The following EPB41L2 variants were observed in gnomAD, a reference collection of about 807,000 sequenced individuals.
EPB41L2 encodes the protein erythrocyte membrane protein band 4.1 like 2.
Under a neutral mutation model 113.0 loss-of-function variants are expected in EPB41L2, and 43 were observed. The ratio of observed to expected loss-of-function variants is 0.38; its 90% CI spans 0.30 to 0.49. The LOEUF (loss-of-function observed/expected upper bound fraction) is 0.49. EPB41L2 is among the 20% of genes least tolerant of loss of function. The probability of loss-of-function intolerance (pLI) is 0.95; values close to 1 mark genes in which losing one functional copy is unlikely to be tolerated. For synonymous variants in EPB41L2, 442 were observed against 436.7 expected, an observed-to-expected ratio of 1.01 and a Z score of -0.15; for missense variants, 1,147 against 1,223.4, an observed-to-expected ratio of 0.94 and a Z score of 0.93.
chr6:130,905,347 C>A (rs1215777881), intron 5 of EPB41L2, among the ~76,000 whole-genome samples: 1 of 151,804 alleles, frequency 6.6e-6, no homozygotes, highest in African/African-American at 2.4e-5. Context: ...ATTCCACTAG[C>A]CTGAATTTAG....
At chr6:131,029,551 TC>T (rs974023472) in intron 1 of EPB41L2, among the ~76,000 whole-genome samples, 2 of 152,192 alleles carry the variant, frequency 1.3e-5, no homozygotes, top group African/African-American at 2.4e-5. Flanking sequence ...CAGAAAGGAT[TC>T]AACATTAGAA....
chr6:130,938,529 A>G (rs746926755), intron 3 of EPB41L2, among the ~76,000 whole-genome samples: 5 of 152,196 alleles, frequency 3.3e-5, no homozygotes, highest in Non-Finnish European at 7.3e-5. Context: ...CATCAGAAAG[A>G]ACCTAGAATT....
intron 1 of EPB41L2, among the ~76,000 whole-genome samples, chr6:131,025,365 G>A (rs1410699816): frequency 6.6e-6 from 1 of 152,116 alleles, no homozygotes; most frequent in African/African-American, 2.4e-5. Context: ...GGCATGAATT[G>A]TTGCCTTTTT....
intron 1 of EPB41L2, among the ~76,000 whole-genome samples, chr6:131,021,318 C>T (rs984203567): frequency 3.3e-5 from 5 of 152,040 alleles, no homozygotes; most frequent in Admixed American, 1.3e-4. Flanking sequence ...CATTTAAAAA[C>T]CCACATAAAC....
At chr6:130,992,460 T>C (rs1279361589) in intron 1 of EPB41L2, among the ~76,000 whole-genome samples, 2 of 152,100 alleles carry the variant, frequency 1.3e-5, no homozygotes, top group Non-Finnish European at 2.9e-5. Context: ...TATGAGTTAA[T>C]CAATAATTGC....
intron 1 of EPB41L2, among the ~76,000 whole-genome samples, chr6:131,006,816 G>A (rs6921207): frequency 0.46 from 69,559 of 151,676 alleles, 16,834 homozygotes; most frequent in African/African-American, 0.63. Flanking sequence ...CATGCACCCC[G>A]ACCTCTGAAT....
At chr6:130,945,354 C>T (rs1812447001) in intron 3 of EPB41L2, among the ~76,000 whole-genome samples, 1 of 152,160 alleles carries the variant, frequency 6.6e-6, no homozygotes, top group Non-Finnish European at 1.5e-5. Context: ...GGCAAAAAGA[C>T]CTCGACACAT....
chr6:131,059,109 T>C (rs1010266561), intron 1 of EPB41L2, among the ~76,000 whole-genome samples: 1 of 106,256 alleles, frequency 9.4e-6, no homozygotes, highest in Non-Finnish European at 2.0e-5. Context: ...TTGGCTTACC[T>C]ATAACTTTTT....
chr6:131,033,469 A>AC (rs1329963284), intron 1 of EPB41L2, among the ~76,000 whole-genome samples: 5 of 152,348 alleles, frequency 3.3e-5, no homozygotes, highest in Admixed American at 3.3e-4. Context: ...GAAAGCAGGG[A>AC]CCCAAATAGA....
At chr6:130,872,374 A>G (rs775881815) in intron 14 of EPB41L2, 1 of 1,287,288 alleles carries the variant, frequency 7.8e-7, no homozygotes, top group South Asian at 1.2e-5. Context: ...AATGCACCTC[A>G]AGCAAGTGTG....
intron 1 of EPB41L2, among the ~76,000 whole-genome samples, chr6:131,009,745 G>A (rs1197804043): frequency 6.7e-6 from 1 of 148,340 alleles, no homozygotes; most frequent in African/African-American, 2.5e-5. Flanking sequence ...ATAAGTTGAA[G>A]GCCACATAAC....
chr6:130,897,115 C>T (rs919285420), intron 8 of EPB41L2, among the ~76,000 whole-genome samples: 2 of 152,050 alleles, frequency 1.3e-5, no homozygotes, highest in African/African-American at 2.4e-5. Flanking sequence ...GGGGCTACCA[C>T]GGGTGTCCCG....
chr6:130,986,099 T>C (rs933462470), intron 1 of EPB41L2, among the ~76,000 whole-genome samples: 2 of 152,148 alleles, frequency 1.3e-5, no homozygotes, highest in African/African-American at 4.8e-5. Flanking sequence ...TCCAGCAGGA[T>C]ATTAAGGGAT....
intron 1 of EPB41L2, among the ~76,000 whole-genome samples, chr6:131,031,957 G>A (rs931339984): frequency 3.3e-5 from 5 of 152,156 alleles, no homozygotes; most frequent in African/African-American, 1.2e-4. Flanking sequence ...GGTATAAAAG[G>A]GAGAGGAAGC....
At position 130,858,194 on chromosome 6, in the gene EPB41L2, G is replaced by C; in HGVS notation, c.2960C>G (p.Ser987Trp). The C allele has an allele frequency of 1.9e-6, 3 of 1,613,840 alleles. No homozygotes were observed. The highest frequency in any genetic ancestry group is 2.5e-6 in the Non-Finnish European group (3 of 1,179,880). ...TTTGTGTACCACCACTCTTGTGACC[G>C]ACATGTCAGGGTGCTGCTCTCTGGC... Reference protein sequence around the residue: ...REAREQHPDMSVTRVVVHKET... With the variant: ...REAREQHPDMWVTRVVVHKET... Residue 987 changes from serine to tryptophan, a missense_variant, in exon 19 of 20, where the codon TCG (serine) becomes TGG (tryptophan). By Grantham distance (177) the Ser-to-Trp change is radical. Coordinates refer to ENST00000337057, the MANE Select transcript of EPB41L2 (RefSeq NM_001431.4).
intron 1 of EPB41L2, among the ~76,000 whole-genome samples, chr6:130,971,134 T>C (rs1776670710): frequency 6.6e-6 from 1 of 152,166 alleles, no homozygotes; most frequent in African/African-American, 2.4e-5. Flanking sequence ...AGGACTCAAG[T>C]GATCATTCTG....
chr6:131,033,185 G>A lies in EPB41L2; in HGVS notation c.-15+29970C>T, dbSNP rs1002910811. Among the ~76,000 whole-genome samples, 7 of 151,642 alleles carry A rather than the reference G, an allele frequency of 4.6e-5. No individual in the cohort carries two copies. The East Asian group carries it at 1.4e-3, about 30-fold the overall frequency. ...CACTGTGCCTGGCCAGGATGGCTAT[G>A]ATTTAAAAAAGAAAAAAAGAGACAG... On this transcript the variant is annotated intron_variant, in intron 1 of 19. Transcript: ENST00000337057.
Position 130,872,293 on chromosome 6 carries a change from G to A in EPB41L2, c.2044-2167C>T, listed in dbSNP as rs909869715. 8.0e-6 allele frequency: 9 copies of A among 1,119,260 alleles called. No homozygotes were observed. In the East Asian group the frequency reaches 2.4e-4, roughly 30 times the overall value. The allele number at this position is 1,119,260 out of a possible 1,614,324, so 69.3% of individuals were successfully genotyped here. A position where few individuals can be genotyped will look rare whatever the true frequency, so the allele number is the denominator to read the frequency against. Reference sequence around the variant, plus strand: ...CACCAATGAAAGCACTGGAGGGAATGGTGCCTGAATATTTAAAAAAATGAA... The same window carrying A: ...CACCAATGAAAGCACTGGAGGGAATAGTGCCTGAATATTTAAAAAAATGAA... On this transcript the variant is annotated intron_variant, in intron 14 of 19. Coordinates refer to ENST00000337057, the MANE Select transcript of EPB41L2 (RefSeq NM_001431.4).
At chr6:130,928,600 C>G (rs1279459049) in intron 3 of EPB41L2, among the ~76,000 whole-genome samples, 1 of 152,238 alleles carries the variant, frequency 6.6e-6, no homozygotes, top group Non-Finnish European at 1.5e-5. Flanking sequence ...CACATGTTCT[C>G]ATTGGTTTCC....
Sources: allele counts gnomAD v4.1 joint callset (sites outside exome capture counted in the v4.1 genomes callset), GRCh38; gene constraint gnomAD v4.1.1; transcripts MANE v1.5; gene names NCBI Gene and HGNC (gene_info 2026-07-23, HGNC 2026-07-21).